Variants in ATXN7L1 observed in about 807,000 individuals in gnomAD.
ATXN7L1 encodes the protein ataxin 7 like 1.
A neutral mutation model predicts 70.8 loss-of-function variants in ATXN7L1; 15 were observed. The observed-to-expected ratio is 0.21, with a 90% confidence interval of 0.14 to 0.33. The LOEUF (loss-of-function observed/expected upper bound fraction) is 0.33. ATXN7L1 is among the 10% of genes least tolerant of loss of function. The pLI is 1.00. For synonymous variants in ATXN7L1, 440 were observed against 445.1 expected (o/e 0.99, Z 0.14); for missense variants, 975 against 1,097.1 (o/e 0.89, Z 1.57).
intron 7 of ATXN7L1, among the ~76,000 whole-genome samples, chr7:105,638,001 C>T (rs904331612): frequency 5.9e-5 from 9 of 152,172 alleles, no homozygotes; most frequent in Admixed American, 3.3e-4. Flanking sequence ...AGTCACCTGG[C>T]GGCTGATGTG....
intron 2 of ATXN7L1, among the ~76,000 whole-genome samples, chr7:105,832,263 G>A (rs1036940293): frequency 2.0e-5 from 3 of 152,134 alleles, no homozygotes; most frequent in Non-Finnish European, 4.4e-5. Flanking sequence ...TTGGGGAGTA[G>A]AAATTGAGAA....
intron 8 of ATXN7L1, among the ~76,000 whole-genome samples, chr7:105,620,793 G>T (rs754848969): frequency 5.3e-5 from 8 of 151,938 alleles, no homozygotes; most frequent in Non-Finnish European, 1.0e-4. Flanking sequence ...TCGTAGGGAG[G>T]CTGAGGCAGG....
intron 2 of ATXN7L1, among the ~76,000 whole-genome samples, chr7:105,838,027 AG>A (rs1161227453): frequency 6.6e-6 from 1 of 152,214 alleles, no homozygotes; most frequent in Non-Finnish European, 1.5e-5. Context: ...GCCTCCTTCA[AG>A]GGAGTTGGAA....
rs779938870 is a variant in ATXN7L1 at position 105,761,388 on chromosome 7, T to C, written c.355+27216A>G. The C allele has an allele frequency of 3.1e-6, 5 of 1,614,190 alleles. No homozygotes were observed. The Admixed American group carries it at 5.0e-5, about 16-fold the overall frequency. On this transcript the variant is annotated intron_variant, in intron 3 of 11. Coordinates refer to ENST00000419735, the MANE Select transcript of ATXN7L1 (RefSeq NM_020725.2). ...CTGCGTTTTCCATTCTCACACCTGA[T>C]GCTTCTCTATGGCTTGGCTGCTCTC...
chr7:105,840,100 G>A (rs1037260148), intron 2 of ATXN7L1, among the ~76,000 whole-genome samples: 3 of 152,190 alleles, frequency 2.0e-5, no homozygotes, highest in Non-Finnish European at 2.9e-5. Flanking sequence ...GGACTCTGCC[G>A]GCAGGCAGTG....
chr7:105,686,578 A>C (rs904272804), intron 3 of ATXN7L1, among the ~76,000 whole-genome samples: 5 of 152,244 alleles, frequency 3.3e-5, no homozygotes, highest in Admixed American at 2.6e-4. Flanking sequence ...TGAACCTCAT[A>C]GCCTTAGCCT....
At chr7:105,694,402 C>T (rs1444878414) in intron 3 of ATXN7L1, among the ~76,000 whole-genome samples, 7 of 152,126 alleles carry the variant, frequency 4.6e-5, no homozygotes, top group African/African-American at 1.7e-4. Context: ...TAAAGTAGCC[C>T]CAGGATTTCT....
intron 2 of ATXN7L1, among the ~76,000 whole-genome samples, chr7:105,819,095 C>T (rs1324091085): frequency 6.7e-6 from 1 of 150,172 alleles, no homozygotes; most frequent in Non-Finnish European, 1.5e-5. Flanking sequence ...CAAGTGATCT[C>T]ATTGTTCAAT....
At chr7:105,763,922 C>G (rs1385888318) in intron 3 of ATXN7L1, among the ~76,000 whole-genome samples, 1 of 151,966 alleles carries the variant, frequency 6.6e-6, no homozygotes, top group Admixed American at 6.6e-5. Context: ...GGCGTGTTCT[C>G]GGTTCACTGC....
chr7:105,758,509 G>C (rs977249785), intron 3 of ATXN7L1, among the ~76,000 whole-genome samples: 1 of 152,212 alleles, frequency 6.6e-6, no homozygotes, highest in African/African-American at 2.4e-5. Context: ...CTGGACATTG[G>C]AAGGACTCAA....
In ATXN7L1 at chr7:105,738,251, G is replaced by A. The variant is rs144208526; in HGVS notation, c.355+50353C>T. Among the ~76,000 whole-genome samples, 728 of 152,296 alleles carry A rather than the reference G, an allele frequency of 4.8e-3. 3 individuals carry two copies. The highest frequency in any genetic ancestry group is 0.016 in the African/African-American group (661 of 41,558). On this transcript the variant is annotated intron_variant, in intron 3 of 11. Coordinates refer to ENST00000419735, the MANE Select transcript of ATXN7L1 (RefSeq NM_020725.2). ...AAGTGGCTTTCTAAGCCCATTTGCTGCTGCTCCCCTCAGCACTACTGCTGT... is the reference window on the plus strand; with the variant it reads ...AAGTGGCTTTCTAAGCCCATTTGCTACTGCTCCCCTCAGCACTACTGCTGT...
chr7:105,700,481 C>T (rs1267415654), intron 3 of ATXN7L1, among the ~76,000 whole-genome samples: 2 of 137,274 alleles, frequency 1.5e-5, no homozygotes, highest in Non-Finnish European at 3.0e-5. Flanking sequence ...TGCACTCCAG[C>T]CTGGGTGACA....
intron 9 of ATXN7L1, among the ~76,000 whole-genome samples, chr7:105,619,739 T>A (rs924582755): frequency 4.6e-5 from 7 of 151,130 alleles, no homozygotes; most frequent in African/African-American, 1.5e-4. Flanking sequence ...TTATTTTTTG[T>A]AGAGATGGGG....
chr7:105,682,685 G>A (rs561662927), intron 3 of ATXN7L1, among the ~76,000 whole-genome samples: 2 of 152,146 alleles, frequency 1.3e-5, no homozygotes, highest in South Asian at 2.1e-4. Flanking sequence ...GACACAAAAG[G>A]TCATATATAT....
chr7:105,749,100 T>A (rs1459048882), intron 3 of ATXN7L1, among the ~76,000 whole-genome samples: 1 of 152,072 alleles, frequency 6.6e-6, no homozygotes, highest in Non-Finnish European at 1.5e-5. Flanking sequence ...ATTTGTCTTG[T>A]TGATGATTTT....
At chr7:105,719,922 A>G (rs1794990328) in intron 3 of ATXN7L1, among the ~76,000 whole-genome samples, 1 of 152,228 alleles carries the variant, frequency 6.6e-6, no homozygotes, top group Non-Finnish European at 1.5e-5. Context: ...GCCAGGGCCT[A>G]GGAAAGGAGG....
chr7:105,875,626 T>TCCCCCCC (rs146310508), intron 2 of ATXN7L1, among the ~76,000 whole-genome samples, 186 bp downstream of exon 2: 5 of 59,550 alleles, frequency 8.4e-5, no homozygotes, highest in South Asian at 7.1e-4. Flanking sequence ...CACCCCCCTT[T>TCCCCCCC]ACCCCCCCCC....
intron 2 of ATXN7L1, chr7:105,819,368 C>A: frequency 2.2e-6 from 1 of 457,312 alleles, no homozygotes; most frequent in Non-Finnish European, 4.0e-6. Flanking sequence ...AAAAAAAAAT[C>A]TGTATATGCT....
chr7:105,681,190 G>C (rs1436355061), intron 3 of ATXN7L1, among the ~76,000 whole-genome samples: 1 of 152,192 alleles, frequency 6.6e-6, no homozygotes, highest in African/African-American at 2.4e-5. Flanking sequence ...ACTTTGGGAG[G>C]CTGAGGCGGG....
Sources: gnomAD v4.1 joint callset for allele counts (sites outside exome capture counted in the v4.1 genomes callset) on GRCh38, gnomAD v4.1.1 for gene constraint, MANE v1.5 for transcripts, NCBI Gene and HGNC (gene_info 2026-07-23, HGNC 2026-07-21) for gene names.